EDAR: variants seen among roughly 807,000 people sequenced by gnomAD.
EDAR encodes tumor necrosis factor receptor superfamily member EDAR.
Under a neutral mutation model 51.3 loss-of-function variants are expected in EDAR, and 38 were observed. The ratio of observed to expected loss-of-function variants is 0.74; its 90% CI spans 0.57 to 0.97. EDAR has a LOEUF of 0.97. Ranked by LOEUF, EDAR falls within the 50% of genes least tolerant of loss-of-function variation. The probability of loss-of-function intolerance (pLI) is 0.00; values close to 1 mark genes in which losing one functional copy is unlikely to be tolerated. For missense variants in EDAR, 528 were observed against 595.0 expected, an observed-to-expected ratio of 0.89 and a Z score of 1.17; for synonymous variants, 227 against 242.1, an observed-to-expected ratio of 0.94 and a Z score of 0.58.
At chr2:108,971,519 C>T (rs1445600907) in intron 1 of EDAR, among the ~76,000 whole-genome samples, 2 of 152,146 alleles carry the variant, frequency 1.3e-5, no homozygotes, top group Non-Finnish European at 2.9e-5. Flanking sequence ...CTTTTTGAAA[C>T]TCCCCAGGCA....
At chr2:108,954,603 T>A (rs912772596) in intron 1 of EDAR, among the ~76,000 whole-genome samples, 3 of 152,168 alleles carry the variant, frequency 2.0e-5, no homozygotes, top group African/African-American at 7.2e-5. Flanking sequence ...CCCTGAATTC[T>A]GTGTCTCTGT....
At chr2:108,954,379 CA>C (rs1697880679) in intron 1 of EDAR, among the ~76,000 whole-genome samples, 1 of 152,160 alleles carries the variant, frequency 6.6e-6, no homozygotes, top group Admixed American at 6.6e-5. Context: ...AAAGGAATTT[CA>C]CAGACATTCT....
rs1170673144 is a variant in EDAR at position 108,895,564 on chromosome 2, A to G, written c.*1343T>C. 6.6e-6 allele frequency: 1 copy of G among 152,206 alleles called. No individual in the cohort carries two copies. Among genetic ancestry groups the G allele is most frequent in the African/African-American group, 2.4e-5 (1 of 41,444 alleles). 9.4% of individuals were successfully genotyped at this position (152,206 alleles called of 1,614,324 possible). ...TCTGAGTTTTTCTGTTTTTATTCCC[A>G]TTTAAATGGACAAACCACACTGTGT... On this transcript the variant is annotated 3_prime_UTR_variant, in exon 12 of 12. Coordinates refer to ENST00000258443, the MANE Select transcript of EDAR (RefSeq NM_022336.4).
chr2:108,983,796 G>A (rs913372368), intron 1 of EDAR, among the ~76,000 whole-genome samples: 3 of 152,202 alleles, frequency 2.0e-5, no homozygotes, highest in African/African-American at 7.2e-5. Context: ...CTGGCATGCT[G>A]GCCAAGGGCA....
chr2:108,970,371 C>G (rs2104437924), intron 1 of EDAR, among the ~76,000 whole-genome samples: 1 of 152,238 alleles, frequency 6.6e-6, no homozygotes, highest in East Asian at 1.9e-4. Flanking sequence ...TAAAGGTTAG[C>G]AAGAAGAGAA....
chr2:108,897,834 C>T (rs1221282485), intron 11 of EDAR, among the ~76,000 whole-genome samples: 3 of 152,180 alleles, frequency 2.0e-5, no homozygotes, highest in African/African-American at 7.2e-5. Flanking sequence ...CCACTAAGTA[C>T]AGCTAAAAGC....
intron 1 of EDAR, among the ~76,000 whole-genome samples, chr2:108,959,793 A>G (rs987417525): frequency 6.6e-6 from 1 of 152,188 alleles, no homozygotes; most frequent in Non-Finnish European, 1.5e-5. Context: ...AATGAGAAAG[A>G]TATGTCTTCT....
chr2:108,960,126 G>C (rs1260627366), intron 1 of EDAR, among the ~76,000 whole-genome samples: 1 of 152,136 alleles, frequency 6.6e-6, no homozygotes, highest in Non-Finnish European at 1.5e-5. Flanking sequence ...GATAGTACAG[G>C]GTGCTAAGAG....
Position 108,931,015 on chromosome 2 carries a change from C to T in EDAR, c.-1G>A, listed in dbSNP as rs767178365. 3.7e-6 allele frequency: 6 copies of T among 1,613,946 alleles called. No individual in the cohort carries two copies. The highest frequency in any genetic ancestry group is 1.7e-5 in the Admixed American group (1 of 60,016). ...GCGTGCAGTCCCCCACATGGGCCAT[C>T]CTCTCCCAAGGGCTCACCTGAAAGA... On this transcript the variant is annotated 5_prime_UTR_variant, in exon 2 of 12. Transcript: ENST00000258443.
intron 11 of EDAR, among the ~76,000 whole-genome samples, chr2:108,905,904 C>T (rs891974015): frequency 6.9e-6 from 1 of 145,936 alleles, no homozygotes; most frequent in Admixed American, 6.6e-5. Flanking sequence ...CGGGGATGCT[C>T]GAGGGCAGGG....
chr2:108,950,910 G>A (rs1157496710), intron 1 of EDAR, among the ~76,000 whole-genome samples: 2 of 152,228 alleles, frequency 1.3e-5, no homozygotes, highest in Admixed American at 1.3e-4. Context: ...CCAGGAAGGG[G>A]TGTGACCTTG....
chr2:108,980,388 A>G (rs1312931395), intron 1 of EDAR, among the ~76,000 whole-genome samples: 1 of 152,108 alleles, frequency 6.6e-6, no homozygotes, highest in Non-Finnish European at 1.5e-5. Context: ...TCTGGTGGGC[A>G]CGCCCTGCCG....
intron 11 of EDAR, among the ~76,000 whole-genome samples, chr2:108,897,693 C>T (rs1335905569): frequency 6.6e-6 from 1 of 152,140 alleles, no homozygotes; most frequent in Non-Finnish European, 1.5e-5. Context: ...TTATCTGAAC[C>T]AAGTCACTGC....
chr2:108,941,116 T>C (rs1697585221), intron 1 of EDAR, among the ~76,000 whole-genome samples: 1 of 152,212 alleles, frequency 6.6e-6, no homozygotes. Flanking sequence ...AGCTGGTTTC[T>C]TTCACTGAAT....
chr2:108,973,398 T>C (rs1424940243), intron 1 of EDAR, among the ~76,000 whole-genome samples: 1 of 152,200 alleles, frequency 6.6e-6, no homozygotes, highest in Non-Finnish European at 1.5e-5. Context: ...GTGTCCGCCA[T>C]CAGCCCCTGA....
intron 1 of EDAR, among the ~76,000 whole-genome samples, chr2:108,983,771 T>A (rs1020275713): frequency 1.3e-5 from 2 of 151,976 alleles, no homozygotes; most frequent in Non-Finnish European, 2.9e-5. Flanking sequence ...CCATATGGAG[T>A]CAACAGGAAC....
chr2:108,928,236 C>T (rs531106894), intron 4 of EDAR, among the ~76,000 whole-genome samples: 4 of 152,278 alleles, frequency 2.6e-5, no homozygotes, highest in East Asian at 3.9e-4. Flanking sequence ...TGAACTCTGG[C>T]GTCGGCATCT....
At chr2:108,938,991 G>A (rs1697532348) in intron 1 of EDAR, among the ~76,000 whole-genome samples, 1 of 151,976 alleles carries the variant, frequency 6.6e-6, no homozygotes, top group Non-Finnish European at 1.5e-5. Context: ...TGTTGGTCAG[G>A]CTGGTCTCGA....
chr2:108,910,928 G>A lies in EDAR; in HGVS notation c.655+19C>T, dbSNP rs769079016. On this transcript the variant is annotated intron_variant, in intron 7 of 11. Transcript: ENST00000258443. ...CGGAGAGTCCAGGAAGCAGGGCACC[G>A]GCGCATGGGGGCCGTCACCTGGGGC... is the stretch of plus-strand genomic sequence containing the variant. 19 of 1,613,986 alleles carry A rather than the reference G, an allele frequency of 1.2e-5. No homozygotes were observed. The highest frequency in any genetic ancestry group is 5.3e-5 in the African/African-American group (4 of 74,916).
Sources: allele counts gnomAD v4.1 joint callset (sites outside exome capture counted in the v4.1 genomes callset), GRCh38; gene constraint gnomAD v4.1.1; transcripts MANE v1.5; gene names NCBI Gene and HGNC (gene_info 2026-07-23, HGNC 2026-07-21).